The following SHC4 variants were observed in gnomAD, a reference collection of about 807,000 sequenced individuals.
SHC4 encodes the protein SHC-transforming protein 4.
A neutral mutation model predicts 69.4 loss-of-function variants in SHC4; 41 were observed. The ratio of observed to expected loss-of-function variants is 0.59; its 90% CI spans 0.46 to 0.77. SHC4 has a LOEUF of 0.77. Among genes scored for constraint, SHC4 ranks in the 30% least tolerant of loss-of-function variants. SHC4 has a pLI of 0.00. For synonymous variants in SHC4, 318 were observed against 299.3 expected (o/e 1.06, Z -0.64); for missense variants, 777 against 783.8 (o/e 0.99, Z 0.10).
At chr15:48,901,863 T>C (rs1900324494) in intron 2 of SHC4, among the ~76,000 whole-genome samples, 1 of 152,198 alleles carries the variant, frequency 6.6e-6, no homozygotes, top group African/African-American at 2.4e-5. Context: ...CAGTAAATGC[T>C]AGCCATTATT....
chr15:48,900,977 G>A (rs539159151), intron 2 of SHC4, among the ~76,000 whole-genome samples: 28 of 152,312 alleles, frequency 1.8e-4, no homozygotes, highest in African/African-American at 6.5e-4. Flanking sequence ...TTCTGTTACA[G>A]CTACTCAATT....
chr15:48,942,174 T>G (rs762916851), intron 1 of SHC4, among the ~76,000 whole-genome samples: 1 of 149,650 alleles, frequency 6.7e-6, no homozygotes, highest in Non-Finnish European at 1.5e-5. Flanking sequence ...TAGTCAGTAT[T>G]TTTTTAAAAA....
At chr15:48,866,748 T>C (rs1899568645) in intron 6 of SHC4, among the ~76,000 whole-genome samples, 1 of 152,128 alleles carries the variant, frequency 6.6e-6, no homozygotes, top group South Asian at 2.1e-4. Context: ...GTCTTATAGC[T>C]CTCTAAATTT....
chr15:48,852,211 C>G (rs564589649), intron 8 of SHC4, among the ~76,000 whole-genome samples: 1 of 152,084 alleles, frequency 6.6e-6, no homozygotes, highest in Non-Finnish European at 1.5e-5. Flanking sequence ...ACACAAGTGG[C>G]CTGCCAGAAG....
At chr15:48,930,821 A>T (rs67047861) in intron 1 of SHC4, among the ~76,000 whole-genome samples, 30,180 of 151,732 alleles carry the variant, frequency 0.2, 3,411 homozygotes, top group East Asian at 0.54. Context: ...TTTCCCATTT[A>T]AAAAAAATGG....
At position 48,884,341 on chromosome 15, in the gene SHC4, G is replaced by T; in HGVS notation, c.747C>A (p.Val249=). ...AAAACTGAAGATTACTTTTGCCAAGGACTGTTGATAGGAACTTAACTGGAG... is the reference window on the plus strand; with the variant it reads ...AAAACTGAAGATTACTTTTGCCAAGTACTGTTGATAGGAACTTAACTGGAG... ...RKPPVKFLST[V]LGKSNLQFSG... Residue 249 remains valine, a synonymous_variant, in exon 4 of 12, where the codon GTC becomes GTA. Transcript: ENST00000332408. 6.2e-7 allele frequency: 1 copy of T among 1,608,662 alleles called. No homozygotes were observed.
intron 1 of SHC4, chr15:48,947,728 A>G (rs1199816305): frequency 6.6e-6 from 1 of 152,226 alleles, no homozygotes; most frequent in Non-Finnish European, 1.5e-5. Flanking sequence ...CACCTGAGAA[A>G]GATATGTATT....
chr15:48,937,774 A>G (rs1901101256), intron 1 of SHC4, among the ~76,000 whole-genome samples: 1 of 152,156 alleles, frequency 6.6e-6, no homozygotes, highest in African/African-American at 2.4e-5. Context: ...TGCATCCAAT[A>G]CCTAAGACAG....
chr15:48,883,994 A>G (rs941080846), intron 4 of SHC4, among the ~76,000 whole-genome samples: 2 of 152,186 alleles, frequency 1.3e-5, no homozygotes, highest in Non-Finnish European at 2.9e-5. Flanking sequence ...GATATTTTCT[A>G]TGTTCTTTGC....
intron 2 of SHC4, 71 bp from the exon 3 acceptor site, chr15:48,890,882 T>C (rs1005466113): frequency 2.3e-5 from 35 of 1,552,068 alleles, no homozygotes; most frequent in Non-Finnish European, 3.1e-5. Context: ...TAAGAAATGT[T>C]AGAAATTATC....
chr15:48,826,859 GAA>G (rs1898699299), intron 11 of SHC4, among the ~76,000 whole-genome samples: 1 of 152,148 alleles, frequency 6.6e-6, no homozygotes, highest in Admixed American at 6.5e-5. Flanking sequence ...TCTTCTCCAA[GAA>G]GCCTCCTCAG....
Position 48,919,408 on chromosome 15 carries a change from C to T in SHC4, c.656+5471G>A, listed in dbSNP as rs966191209. On this transcript the variant is annotated intron_variant, in intron 2 of 11. Coordinates refer to ENST00000332408, the MANE Select transcript of SHC4 (RefSeq NM_203349.4). The stretch of plus-strand genomic sequence containing the variant: ...TTTGACCTTCCAGGCTCAGGTGATC[C>T]TCCCACCTTGGCCTATAGCATATCT... 3.4e-5 allele frequency among the ~76,000 whole-genome samples: 5 copies of T among 146,800 alleles called. No individual in the cohort carries two copies. In the East Asian group the frequency reaches 1.0e-3, roughly 30 times the overall value.
At chr15:48,932,759 CAG>C (rs1355868430) in intron 1 of SHC4, among the ~76,000 whole-genome samples, 1 of 152,146 alleles carries the variant, frequency 6.6e-6, no homozygotes, top group Non-Finnish European at 1.5e-5. Context: ...GAACTTCTAG[CAG>C]ACCTTTAATA....
At chr15:48,947,589 T>C (rs1160174791) in intron 1 of SHC4, among the ~76,000 whole-genome samples, 3 of 152,194 alleles carry the variant, frequency 2.0e-5, no homozygotes, top group African/African-American at 7.2e-5. Flanking sequence ...GAGAACAATC[T>C]CATTCACCAG....
At chr15:48,951,007 T>C (rs1041070156) in intron 1 of SHC4, among the ~76,000 whole-genome samples, 5 of 152,062 alleles carry the variant, frequency 3.3e-5, no homozygotes, top group Non-Finnish European at 7.4e-5. Context: ...TTCATCCTGC[T>C]CCTCATACTG....
chr15:48,909,703 G>A (rs1900472839), intron 2 of SHC4, among the ~76,000 whole-genome samples: 1 of 152,114 alleles, frequency 6.6e-6, no homozygotes, highest in African/African-American at 2.4e-5. Context: ...GTCATAGATG[G>A]CTTTTATTAA....
chr15:48,836,943 T>C (rs1174032293), intron 10 of SHC4, among the ~76,000 whole-genome samples: 2 of 152,244 alleles, frequency 1.3e-5, no homozygotes, highest in African/African-American at 2.4e-5. Context: ...ACAAAATGTA[T>C]GCAGATTTGA....
At chr15:48,920,939 AG>A (rs1774591890) in intron 2 of SHC4, among the ~76,000 whole-genome samples, 1 of 151,850 alleles carries the variant, frequency 6.6e-6, no homozygotes, top group African/African-American at 2.4e-5. Context: ...AAGAAGAAGG[AG>A]GAGAAGGAGA....
intron 2 of SHC4, among the ~76,000 whole-genome samples, chr15:48,914,879 C>G (rs779585360): frequency 2.0e-5 from 3 of 152,130 alleles, no homozygotes; most frequent in Non-Finnish European, 4.4e-5. Flanking sequence ...TTCTATCTTC[C>G]CCAACTGAAA....
Sources: allele counts gnomAD v4.1 joint callset (sites outside exome capture counted in the v4.1 genomes callset), GRCh38; gene constraint gnomAD v4.1.1; transcripts MANE v1.5; gene names NCBI Gene and HGNC (gene_info 2026-07-23, HGNC 2026-07-21).